The following PXK variants were observed in gnomAD, a reference collection of about 807,000 sequenced individuals.
PXK encodes PX domain-containing protein kinase-like protein.
Under a neutral mutation model 84.7 loss-of-function variants are expected in PXK, and 35 were observed. The ratio of observed to expected loss-of-function variants is 0.41; its 90% confidence interval spans 0.32 to 0.55. The LOEUF is 0.55. Ranked by LOEUF, PXK falls within the 20% of genes least tolerant of loss-of-function variation. PXK has a pLI of 0.21. For missense variants in PXK, 634 were observed against 699.7 expected, an observed-to-expected ratio of 0.91 and a Z score of 1.06; for synonymous variants, 253 against 260.8, an observed-to-expected ratio of 0.97 and a Z score of 0.29.
At chr3:58,403,315 T>C (rs1453283783) in intron 12 of PXK, among the ~76,000 whole-genome samples, 3 of 152,152 alleles carry the variant, frequency 2.0e-5, no homozygotes, top group Non-Finnish European at 2.9e-5. Flanking sequence ...CAGTAACATA[T>C]TTTTGAAGAG....
At chr3:58,361,360 A>G (rs1452951495) in intron 1 of PXK, among the ~76,000 whole-genome samples, 2 of 151,762 alleles carry the variant, frequency 1.3e-5, no homozygotes, top group Non-Finnish European at 1.5e-5. Context: ...ATTTTCTCCA[A>G]TGGTAACATC....
intron 1 of PXK, among the ~76,000 whole-genome samples, chr3:58,335,940 T>G (rs2097582299): frequency 6.6e-6 from 1 of 150,724 alleles, no homozygotes; most frequent in Non-Finnish European, 1.5e-5. Context: ...TGACAACATT[T>G]GTGCAAAGCG....
chr3:58,369,940 T>A (rs950291590), intron 3 of PXK, among the ~76,000 whole-genome samples: 2 of 152,180 alleles, frequency 1.3e-5, no homozygotes, highest in Admixed American at 1.3e-4. Flanking sequence ...TGTAAAGTAT[T>A]CCCAAAAATA....
In PXK at chr3:58,421,281, A is replaced by G. The variant is rs2061798857; in HGVS notation, c.1529-3471A>G. ...CACTGCTGGCTGCTAACATGGGCCT[A>G]AGAGTCGGTGGGGAAGGGAGCCAGG... On this transcript the variant is annotated intron_variant, in intron 17 of 17. Coordinates refer to ENST00000356151, the MANE Select transcript of PXK (RefSeq NM_017771.5). The surrounding 1 kb of genome is among the most constrained non-coding windows in gnomAD (Gnocchi z 5.5). 1 of 985,216 alleles carries G rather than the reference A, an allele frequency of 1.0e-6. No individual in the cohort carries two copies. The highest frequency in any genetic ancestry group is 1.7e-5 in the African/African-American group (1 of 57,210). The allele number at this position is 985,216 out of a possible 1,614,324, so 61.0% of individuals were successfully genotyped here. A position where few individuals can be genotyped will look rare whatever the true frequency, so the allele number is the denominator to read the frequency against.
chr3:58,342,708 T>C (rs559379089), intron 1 of PXK, among the ~76,000 whole-genome samples: 1 of 152,104 alleles, frequency 6.6e-6, no homozygotes, highest in South Asian at 2.1e-4. Flanking sequence ...GTATTACTTA[T>C]TTTAGTTGGT....
chr3:58,424,715 G>A, intron 17 of PXK, 37 bp from the exon 18 acceptor site: 1 of 1,601,714 alleles, frequency 6.2e-7, no homozygotes, highest in Non-Finnish European at 8.5e-7. Flanking sequence ...GGGCAGCTGT[G>A]GAGGTGAATA....
rs897613987 is a variant in PXK, at chr3:58,374,701, A to AT, written c.201+5230dup. Among the ~76,000 whole-genome samples the AT allele has an allele frequency of 2.0e-5, 3 of 151,912 alleles. No individual in the cohort carries two copies. In the East Asian group the frequency reaches 5.8e-4, roughly 29 times the overall value. On this transcript the variant is annotated intron_variant, in intron 3 of 17. Transcript: ENST00000356151. ...GAGACTTTATTATTCCATGTGTAGT[A>AT]TTTTTTTCCCTCCCTTCTAATTAGC...
rs773803445 is a variant in PXK at position 58,399,422 on chromosome 3, G to A, written c.1181+45G>A. ...TGGTTGTAATCTTGATAACTATGTTGAACACCAGACCACTGTGTCCAAGCA... is the reference window on the plus strand; with the variant it reads ...TGGTTGTAATCTTGATAACTATGTTAAACACCAGACCACTGTGTCCAAGCA... On this transcript the variant is annotated intron_variant, in intron 12 of 17. Transcript: ENST00000356151. The surrounding 1 kb of genome is among the most constrained non-coding windows in gnomAD (Gnocchi z 4.3). The A allele has an allele frequency of 6.4e-7, 1 of 1,556,022 alleles. No homozygotes were observed. The highest frequency in any genetic ancestry group is 1.7e-5 in the Admixed American group (1 of 59,056).
Position 58,399,375 on chromosome 3 carries a change from G to A in PXK, c.1179G>A (p.Met393Ile), listed in dbSNP as rs2058220946. Residue 393 changes from methionine to isoleucine, a missense_variant and splice_region_variant, in exon 12 of 18, where the codon ATG (methionine) becomes ATA (isoleucine). This residue lies in a region of PXK where 273 missense variants were observed against 283.6 expected (regional missense o/e 0.96). Transcript: ENST00000356151. This position sits in a 1 kb window ranked among gnomAD's most constrained non-coding sequence, Gnocchi z 4.3. ...CTACCATCTCCCGGCTCTTACAGAT[G>A]CCGTAAGTCAATCATATGCGTTGGT... is the stretch of plus-strand genomic sequence containing the variant. ...GMPTISRLLQ[M>I]PLFSDVLLTT... The A allele has an allele frequency of 1.2e-6, 2 of 1,612,132 alleles. No individual in the cohort carries two copies. Among genetic ancestry groups the A allele is most frequent in the South Asian group, 2.2e-5 (2 of 91,018 alleles).
intron 1 of PXK, among the ~76,000 whole-genome samples, chr3:58,336,059 ATATATATATATATTTT>A (rs1461822783): frequency 8.6e-5 from 5 of 58,370 alleles, no homozygotes; most frequent in Admixed American, 1.8e-4. Flanking sequence ...ATATATATAT[ATATATATATATATTTT>A]TTTTTTTTTT....
chr3:58,351,884 C>G (rs1310052265), intron 1 of PXK, among the ~76,000 whole-genome samples: 1 of 152,184 alleles, frequency 6.6e-6, no homozygotes, highest in Non-Finnish European at 1.5e-5. Flanking sequence ...TCGTGATATA[C>G]TCACCTGCAG....
Position 58,379,043 on chromosome 3 carries a change from C to T in PXK, c.202-3471C>T, listed in dbSNP as rs1190813753. 6.6e-6 allele frequency among the ~76,000 whole-genome samples: 1 copy of T among 152,006 alleles called. No homozygotes were observed. Among genetic ancestry groups the T allele is most frequent in the Non-Finnish European group, 1.5e-5 (1 of 68,018 alleles). On this transcript the variant is annotated intron_variant, in intron 3 of 17. Transcript: ENST00000356151. This position sits in a 1 kb window ranked among gnomAD's most constrained non-coding sequence, Gnocchi z 5.1. ...GTTCAAGCAATTCTCCTGCCTCAGC[C>T]TCCTGAGTAGCTGGGATTACAGGCA...
At chr3:58,402,091 A>G (rs965698878) in intron 12 of PXK, among the ~76,000 whole-genome samples, 2 of 152,144 alleles carry the variant, frequency 1.3e-5, no homozygotes, top group Non-Finnish European at 2.9e-5. Flanking sequence ...AGGCATATTC[A>G]AAGAAAGACT....
At chr3:58,346,987 T>C (rs765622942) in intron 1 of PXK, among the ~76,000 whole-genome samples, 7 of 152,134 alleles carry the variant, frequency 4.6e-5, no homozygotes, top group Non-Finnish European at 8.8e-5. Flanking sequence ...TACAGGCGCG[T>C]GCCACCATGC....
In PXK at chr3:58,397,161, C is replaced by A; in HGVS notation, c.945C>A (p.Ser315=). Residue 315 remains serine (S), a synonymous_variant, in exon 10 of 18, where the codon TCC becomes TCA. Transcript: ENST00000356151. This position sits in a 1 kb window ranked among gnomAD's most constrained non-coding sequence, Gnocchi z 4.7. ...DLENSLLGLP[S]FYRSYFSQFR... ...AGAATTCCTTATTGGGCCTGCCTTC[C>A]TTCTACCGATCTTATTTTTCACAAT... 1 of 1,614,192 alleles carries A rather than the reference C, an allele frequency of 6.2e-7. No individual in the cohort carries two copies. The highest frequency in any genetic ancestry group is 8.5e-7 in the Non-Finnish European group (1 of 1,180,022).
intron 9 of PXK, among the ~76,000 whole-genome samples, chr3:58,396,258 C>T (rs1560059729): frequency 6.6e-6 from 1 of 152,050 alleles, no homozygotes; most frequent in Non-Finnish European, 1.5e-5. Context: ...GTACTATGCA[C>T]ATACATATAT....
Position 58,413,057 on chromosome 3 carries a change from G to A in PXK, c.1528+94G>A, listed in dbSNP as rs1275449481. 2.2e-6 allele frequency: 3 copies of A among 1,340,836 alleles called. No individual in the cohort carries two copies. In the African/African-American group the frequency reaches 4.3e-5, roughly 19 times the overall value. 83.1% of individuals were successfully genotyped at this position (1,340,836 alleles called of 1,614,324 possible). A position where few individuals can be genotyped will look rare whatever the true frequency, so the allele number is the denominator to read the frequency against. On this transcript the variant is annotated intron_variant, in intron 17 of 17. Transcript: ENST00000356151. ...CCTGCCTTGGCCCAACAATTTCAGG[G>A]GTTAGATAGCAGCAGCTTTCTCAAG...
At position 58,333,642 on chromosome 3, in the gene PXK, G is replaced by C. The variant is rs2097537142; in HGVS notation, c.102+552G>C. The C allele has an allele frequency of 2.2e-6, 1 of 456,592 alleles. No homozygotes were observed. The highest frequency in any genetic ancestry group is 2.0e-5 in the African/African-American group (1 of 50,088). 28.3% of individuals were successfully genotyped at this position (456,592 alleles called of 1,614,324 possible). On this transcript the variant is annotated intron_variant, in intron 1 of 17. Transcript: ENST00000356151. This position sits in a 1 kb window ranked among gnomAD's most constrained non-coding sequence, Gnocchi z 5.4. Reference sequence around the variant, plus strand: ...GTTTCCAGGTCAGCCGCTTGGCCCTGGTCCCGGGAAGTGGTGGGGGCGGCA... The same window carrying C: ...GTTTCCAGGTCAGCCGCTTGGCCCTCGTCCCGGGAAGTGGTGGGGGCGGCA...
In PXK at chr3:58,397,713, A is replaced by T. The variant is rs752321323; in HGVS notation, c.1093A>T (p.Met365Leu). ...PVDSFPPAPS[M>L]AVVAVLESTL... ...GGACTCCTTCCCTCCTGCCCCGTCC[A>T]TGGCTGTGGGTCAGTATGGGGTTGG... is the stretch of plus-strand genomic sequence containing the variant. Residue 365 changes from methionine (M) to leucine (L), a missense_variant, in exon 11 of 18, where the codon ATG becomes TTG. Physicochemically the swap from Met to Leu is conservative, Grantham distance 15. Transcript: ENST00000356151. The surrounding 1 kb of genome is among the most constrained non-coding windows in gnomAD (Gnocchi z 4.7). The T allele has an allele frequency of 6.2e-7, 1 of 1,612,992 alleles. No homozygotes were observed.
Sources: allele counts gnomAD v4.1 joint callset (sites outside exome capture counted in the v4.1 genomes callset), GRCh38; gene constraint gnomAD v4.1.1; regional missense constraint gnomAD v4.1.1; non-coding constraint Gnocchi (gnomAD v3.1); transcripts MANE v1.5; gene names NCBI Gene and HGNC (gene_info 2026-07-23, HGNC 2026-07-21).